MYT1L: variants seen among roughly 807,000 people sequenced by gnomAD.
MYT1L encodes the protein myelin transcription factor 1-like protein.
In MYT1L, 12 loss-of-function variants were observed where a neutral mutation model predicts 126.7. The ratio of observed to expected loss-of-function variants is 0.09; its 90% CI spans 0.06 to 0.15. The LOEUF is 0.15. Ranked by LOEUF, MYT1L falls within the 10% of genes least tolerant of loss-of-function variation. The probability of loss-of-function intolerance (pLI) is 1.00; values close to 1 mark genes in which losing one functional copy is unlikely to be tolerated. For missense variants in MYT1L, 979 were observed against 1,585.2 expected (o/e 0.62, Z 6.49); for synonymous variants, 541 against 604.2 (o/e 0.90, Z 1.53).
intron 2 of MYT1L, among the ~76,000 whole-genome samples, chr2:2,250,916 A>G (rs1033260317): frequency 8.5e-5 from 13 of 152,122 alleles, no homozygotes; most frequent in African/African-American, 3.1e-4. Context: ...AAAGAAAAAA[A>G]TTAATTATAG....
At chr2:2,171,083 C>A (rs146013065) in intron 3 of MYT1L, among the ~76,000 whole-genome samples, 7 of 152,124 alleles carry the variant, frequency 4.6e-5, no homozygotes, top group Admixed American at 4.6e-4. Flanking sequence ...GGGGTCCCGG[C>A]GGACACTCCA....
At chr2:2,274,849 A>G (rs2095327251) in intron 2 of MYT1L, among the ~76,000 whole-genome samples, 1 of 152,034 alleles carries the variant, frequency 6.6e-6, no homozygotes. Context: ...GCAGAGGCTG[A>G]CTCAAGCCAG....
chr2:2,021,863 C>T (rs1169697658), intron 4 of MYT1L, among the ~76,000 whole-genome samples: 2 of 152,108 alleles, frequency 1.3e-5, no homozygotes, highest in Non-Finnish European at 2.9e-5. Flanking sequence ...TGCCACTGCA[C>T]TCCAGCCTGG....
intron 3 of MYT1L, among the ~76,000 whole-genome samples, chr2:2,099,868 C>T (rs1298565739): frequency 6.6e-6 from 1 of 152,160 alleles, no homozygotes; most frequent in East Asian, 1.9e-4. Flanking sequence ...TGTTTTCTTC[C>T]AGTAACTCTG....
rs192907546 is a variant in MYT1L at position 1,922,172 on chromosome 2, G to A, written c.1483+114C>T. ...TCCTTCTGGAATCAACTCTAAGAAT[G>A]TGCAGTAGAGACATAATTCAGTGTG... On this transcript the variant is annotated intron_variant, in intron 10 of 24. Coordinates refer to ENST00000647738, the MANE Select transcript of MYT1L (RefSeq NM_001303052.2). The surrounding 1 kb of genome is among the most constrained non-coding windows in gnomAD (Gnocchi z 7.4). 1.2e-4 allele frequency: 157 copies of A among 1,319,508 alleles called. No homozygotes were observed. In the African/African-American group the frequency reaches 2.2e-3, roughly 18 times the overall value. The allele number at this position is 1,319,508 out of a possible 1,614,324, so 81.7% of individuals were successfully genotyped here.
In MYT1L at chr2:2,309,037, A is replaced by T. The variant is rs189264711; in HGVS notation, c.-521+21930T>A. On this transcript the variant is annotated intron_variant, in intron 1 of 24. Coordinates refer to ENST00000647738, the MANE Select transcript of MYT1L (RefSeq NM_001303052.2). The stretch of plus-strand genomic sequence containing the variant: ...CTATACTACCCCTGTCCTTCAGTAC[A>T]TTCTATGTAGACCTCACCTACACAT... Among the ~76,000 whole-genome samples, 4 of 151,936 alleles carry T rather than the reference A, an allele frequency of 2.6e-5. No individual in the cohort carries two copies. The East Asian group carries it at 7.8e-4, about 30-fold the overall frequency.
intron 1 of MYT1L, among the ~76,000 whole-genome samples, chr2:2,305,563 A>C (rs2095846799): frequency 6.6e-6 from 1 of 152,148 alleles, no homozygotes; most frequent in African/African-American, 2.4e-5. Flanking sequence ...GAACTAGCAA[A>C]AATCTTGTGT....
intron 3 of MYT1L, among the ~76,000 whole-genome samples, chr2:2,094,246 G>A (rs1260387325): frequency 3.3e-5 from 5 of 152,116 alleles, no homozygotes; most frequent in East Asian, 1.9e-4. Context: ...TTAGAATGGC[G>A]ATCATTAAAA....
Position 1,815,644 on chromosome 2 carries a change from C to T in MYT1L, c.3081-6477G>A, listed in dbSNP as rs371805773. ...CTGAGGAGGGAAGAGTGTGGGGGAG[C>T]ACCCCCCTGGGTACACCTCCATGGA... On this transcript the variant is annotated intron_variant, in intron 21 of 24. Transcript: ENST00000647738. 2.0e-5 allele frequency among the ~76,000 whole-genome samples: 3 copies of T among 152,194 alleles called. No individual in the cohort carries two copies. The South Asian group carries it at 6.2e-4, about 32-fold the overall frequency.
chr2:2,245,550 A>G (rs2149176024), intron 2 of MYT1L, among the ~76,000 whole-genome samples: 1 of 152,304 alleles, frequency 6.6e-6, no homozygotes, highest in Non-Finnish European at 1.5e-5. Context: ...AAAGCAAGAT[A>G]GCAGAGAGGT....
At chr2:2,310,305 T>C (rs2095943976) in intron 1 of MYT1L, among the ~76,000 whole-genome samples, 2 of 150,200 alleles carry the variant, frequency 1.3e-5, no homozygotes, top group Admixed American at 1.3e-4. Context: ...TTTCTGTTCT[T>C]TATCTATACT....
intron 1 of MYT1L, among the ~76,000 whole-genome samples, chr2:2,322,737 G>A (rs1230447229): frequency 6.6e-6 from 1 of 152,110 alleles, no homozygotes; most frequent in Non-Finnish European, 1.5e-5. Flanking sequence ...TTTGCCCCAA[G>A]AAAGTTATAA....
chr2:2,142,293 A>C (rs556014301), intron 3 of MYT1L, among the ~76,000 whole-genome samples: 17 of 152,310 alleles, frequency 1.1e-4, no homozygotes, highest in Admixed American at 2.6e-4. Flanking sequence ...GATGTTTAGA[A>C]GACAGTGCCG....
intron 3 of MYT1L, among the ~76,000 whole-genome samples, chr2:2,159,472 G>A (rs759569676): frequency 6.6e-6 from 1 of 152,056 alleles, no homozygotes; most frequent in South Asian, 2.1e-4. Context: ...ACCAGGTGTG[G>A]TGTGGGATCT....
intron 5 of MYT1L, among the ~76,000 whole-genome samples, chr2:1,989,113 T>C (rs2061276215): frequency 6.6e-6 from 1 of 152,168 alleles, no homozygotes; most frequent in Admixed American, 6.5e-5. Context: ...AAACGTTTAG[T>C]TGCATTTACA....
chr2:1,947,949 G>A (rs560354432), intron 8 of MYT1L, among the ~76,000 whole-genome samples: 3 of 152,056 alleles, frequency 2.0e-5, no homozygotes, highest in Non-Finnish European at 2.9e-5. Flanking sequence ...GACCAAGGGC[G>A]TGAGCTCCAG....
chr2:2,091,180 A>G (rs1687914), intron 3 of MYT1L, among the ~76,000 whole-genome samples: 139,370 of 152,304 alleles, frequency 0.92, 63,962 homozygotes, highest in East Asian at 1. Context: ...CACTATCCAT[A>G]GCACTTATTG....
At chr2:1,802,335 C>T (rs1326656772) in intron 22 of MYT1L, among the ~76,000 whole-genome samples, 3 of 152,144 alleles carry the variant, frequency 2.0e-5, no homozygotes, top group South Asian at 2.1e-4. Context: ...GTCCAGCAAA[C>T]GCTGAGGATG....
intron 2 of MYT1L, among the ~76,000 whole-genome samples, chr2:2,255,729 A>C (rs1348781757): frequency 6.6e-6 from 1 of 152,170 alleles, no homozygotes; most frequent in East Asian, 1.9e-4. Flanking sequence ...AGCCGTCTTC[A>C]TCCTCATCAC....
Sources: gnomAD v4.1 joint callset for allele counts (sites outside exome capture counted in the v4.1 genomes callset) on GRCh38, gnomAD v4.1.1 for gene constraint, Gnocchi (gnomAD v3.1) non-coding constraint, MANE v1.5 for transcripts, NCBI Gene and HGNC (gene_info 2026-07-23, HGNC 2026-07-21) for gene names.